Variants in KAT6B observed in about 807,000 individuals in gnomAD.
KAT6B encodes the protein lysine acetyltransferase 6B.
Under a neutral mutation model 187.5 loss-of-function variants are expected in KAT6B, and 10 were observed. That is an observed-to-expected ratio of 0.05 (90% CI 0.03 to 0.09). The LOEUF is 0.09. KAT6B is among the 10% of genes least tolerant of loss of function. The probability of loss-of-function intolerance (pLI) is 1.00; values close to 1 mark genes in which losing one functional copy is unlikely to be tolerated. For missense variants in KAT6B, 1,952 were observed against 2,558.9 expected (o/e 0.76, Z 5.12); for synonymous variants, 861 against 926.8 (o/e 0.93, Z 1.29).
intron 3 of KAT6B, among the ~76,000 whole-genome samples, chr10:74,863,496 C>T (rs898323762): frequency 2.6e-5 from 4 of 152,164 alleles, no homozygotes; most frequent in Admixed American, 2.6e-4. Flanking sequence ...TGAGGCATGA[C>T]TATGAATTCT....
intron 3 of KAT6B, among the ~76,000 whole-genome samples, chr10:74,959,219 T>C (rs1840917827): frequency 6.6e-6 from 1 of 152,140 alleles, no homozygotes; most frequent in South Asian, 2.1e-4. Flanking sequence ...TTCTGTCACC[T>C]AAAAACATAT....
At chr10:74,947,282 G>T (rs750101058) in intron 3 of KAT6B, among the ~76,000 whole-genome samples, 1 of 152,114 alleles carries the variant, frequency 6.6e-6, no homozygotes, top group Non-Finnish European at 1.5e-5. Flanking sequence ...ATGAGCCACC[G>T]CTCCCGGCTG....
chr10:74,975,812 C>T lies in KAT6B; in HGVS notation c.1475C>T (p.Ser492Phe), dbSNP rs759661084. Residue 492 changes from serine to phenylalanine, a missense_variant, in exon 8 of 18, where the codon TCT becomes TTT. Ser to Phe is a radical substitution (Grantham distance 155). Coordinates refer to ENST00000287239, the MANE Select transcript of KAT6B (RefSeq NM_012330.4). ...GTTQKLKPPP[S>F]SLPPPTPISG... ...ACACAAAAGCTAAAACCTCCACCTTCTTCACTTCCACCCCCAACCCCCATC... is the reference window on the plus strand; with the variant it reads ...ACACAAAAGCTAAAACCTCCACCTTTTTCACTTCCACCCCCAACCCCCATC... 6.2e-7 allele frequency: 1 copy of T among 1,614,060 alleles called. No homozygotes were observed. Among genetic ancestry groups the T allele is most frequent in the East Asian group, 2.2e-5 (1 of 44,896 alleles).
intron 13 of KAT6B, among the ~76,000 whole-genome samples, chr10:75,005,405 A>G (rs1234363030): frequency 1.3e-5 from 2 of 151,678 alleles, no homozygotes; most frequent in African/African-American, 4.8e-5. Flanking sequence ...TTTAGTAGAG[A>G]CAGGGTTTTG....
chr10:74,904,961 G>T (rs776860252), intron 3 of KAT6B, among the ~76,000 whole-genome samples: 2 of 152,050 alleles, frequency 1.3e-5, no homozygotes, highest in African/African-American at 2.4e-5. Flanking sequence ...TTTTGAAGAC[G>T]TAACTTAAAA....
chr10:74,842,075 C>T (rs887104741), intron 2 of KAT6B, among the ~76,000 whole-genome samples: 1 of 152,150 alleles, frequency 6.6e-6, no homozygotes, highest in Non-Finnish European at 1.5e-5. Context: ...TCATAGACCT[C>T]TGTTAAAGGG....
intron 3 of KAT6B, among the ~76,000 whole-genome samples, chr10:74,891,965 A>G (rs762737053): frequency 6.6e-6 from 1 of 152,208 alleles, no homozygotes; most frequent in Non-Finnish European, 1.5e-5. Flanking sequence ...CAGAGTTCAA[A>G]TGGGCATTTT....
At chr10:74,880,632 T>C (rs1844778019) in intron 3 of KAT6B, among the ~76,000 whole-genome samples, 1 of 152,206 alleles carries the variant, frequency 6.6e-6, no homozygotes, top group Non-Finnish European at 1.5e-5. Context: ...ATGTTTTTTT[T>C]TGAGATGGAG....
chr10:74,836,799 T>C (rs1470760117), intron 1 of KAT6B, among the ~76,000 whole-genome samples: 1 of 152,190 alleles, frequency 6.6e-6, no homozygotes, highest in Non-Finnish European at 1.5e-5. Flanking sequence ...CTTAGATTTG[T>C]GGATGCTCAC....
chr10:74,911,153 C>T (rs1329379116), intron 3 of KAT6B, among the ~76,000 whole-genome samples: 1 of 152,088 alleles, frequency 6.6e-6, no homozygotes, highest in Non-Finnish European at 1.5e-5. Flanking sequence ...GATTTGTGCT[C>T]CTAGATGACA....
At chr10:74,883,407 G>T (rs1034870445) in intron 3 of KAT6B, among the ~76,000 whole-genome samples, 2 of 152,162 alleles carry the variant, frequency 1.3e-5, no homozygotes, top group African/African-American at 4.8e-5. Flanking sequence ...GGTTTGAAGG[G>T]GAAAGGGTGA....
At chr10:74,963,940 A>T (rs1841280322) in intron 4 of KAT6B, among the ~76,000 whole-genome samples, 1 of 152,040 alleles carries the variant, frequency 6.6e-6, no homozygotes, top group African/African-American at 2.4e-5. Flanking sequence ...CCTGGCCAAC[A>T]TGGTGAAACC....
At chr10:74,880,967 A>G (rs1255376865) in intron 3 of KAT6B, among the ~76,000 whole-genome samples, 2 of 143,246 alleles carry the variant, frequency 1.4e-5, no homozygotes, top group East Asian at 4.1e-4. Flanking sequence ...TCTGTCTTCC[A>G]TGCTGGAGTG....
rs368696528 is a variant in KAT6B at position 75,015,797 on chromosome 10, C to A, written c.2630-4785C>A. 2.4e-4 allele frequency among the ~76,000 whole-genome samples: 37 copies of A among 152,280 alleles called. No individual in the cohort carries two copies. In the East Asian group the frequency reaches 3.3e-3, roughly 13 times the overall value. ...TCATCCCCTAAAAGCAGCTGGTGAC[C>A]CCAAACTCACATAATCCAGAGAGAT... On this transcript the variant is annotated intron_variant, in intron 13 of 17. Coordinates refer to ENST00000287239, the MANE Select transcript of KAT6B (RefSeq NM_012330.4).
intron 3 of KAT6B, among the ~76,000 whole-genome samples, chr10:74,898,783 A>G (rs1293389069): frequency 6.6e-6 from 1 of 151,406 alleles, no homozygotes; most frequent in Non-Finnish European, 1.5e-5. Context: ...AGTCACCTTC[A>G]GTTTCAAATG....
rs778602696 is a variant in KAT6B, at chr10:75,028,835, A to G, written c.4011A>G (p.Thr1337=). The part of the protein sequence containing the change: ...EETCAPVSPN[T]SPGEKPEDDL... ...CATGTGCCCCTGTAAGTCCAAACAC[A>G]TCACCAGGTGAAAAACCAGAAGATG... is the stretch of plus-strand genomic sequence containing the variant. Residue 1337 remains threonine, a synonymous_variant, in exon 18 of 18, where the codon ACA becomes ACG. Transcript: ENST00000287239. 1.2e-6 allele frequency: 2 copies of G among 1,613,970 alleles called. No homozygotes were observed. Among genetic ancestry groups the G allele is most frequent in the Admixed American group, 1.7e-5 (1 of 59,988 alleles).
intron 17 of KAT6B, among the ~76,000 whole-genome samples, chr10:75,027,382 G>A (rs945374805): frequency 3.3e-5 from 5 of 152,116 alleles, no homozygotes; most frequent in African/African-American, 1.2e-4. Context: ...CCACCAGTTG[G>A]ACTAGAACTC....
At chr10:74,962,862 C>CT (rs1352312770) in intron 4 of KAT6B, among the ~76,000 whole-genome samples, 1 of 149,252 alleles carries the variant, frequency 6.7e-6, no homozygotes, top group Admixed American at 6.7e-5. Context: ...ACTAAAAATT[C>CT]TTTAAAAAAA....
chr10:75,019,356 T>C (rs1043552132), intron 13 of KAT6B, among the ~76,000 whole-genome samples: 3 of 152,202 alleles, frequency 2.0e-5, no homozygotes, highest in African/African-American at 7.2e-5. Context: ...GGGTTCAGGC[T>C]GGATTCTTGT....
Sources: allele counts gnomAD v4.1 joint callset (sites outside exome capture counted in the v4.1 genomes callset), GRCh38; gene constraint gnomAD v4.1.1; transcripts MANE v1.5; gene names NCBI Gene and HGNC (gene_info 2026-07-23, HGNC 2026-07-21).